RADX: variants seen among roughly 807,000 people sequenced by gnomAD.
The protein encoded by RADX is RPA-related protein RADX.
A neutral mutation model predicts 61.6 loss-of-function variants in RADX; 36 were observed. The ratio of observed to expected loss-of-function variants is 0.58; its 90% CI spans 0.45 to 0.77. The LOEUF (loss-of-function observed/expected upper bound fraction) is 0.77. Ranked by LOEUF, RADX falls within the 30% of genes least tolerant of loss-of-function variation. RADX has a pLI of 0.00. For synonymous variants in RADX, 272 were observed against 237.9 expected (o/e 1.14, Z -1.32); for missense variants, 497 against 651.1 (o/e 0.76, Z 2.58).
chrX:106,622,122 G>A (rs919192376), intron 1 of RADX, among the ~76,000 whole-genome samples: 5 of 109,585 alleles, frequency 4.6e-5, no homozygotes, highest in African/African-American at 1.7e-4. Flanking sequence ...TTTTTGGAGA[G>A]ACATGGGGGT....
At chrX:106,655,299 CTT>C (rs752071995) in intron 11 of RADX, among the ~76,000 whole-genome samples, 6 of 93,238 alleles carry the variant, frequency 6.4e-5, no homozygotes, top group African/African-American at 2.3e-4. Flanking sequence ...GTTTCTTTTT[CTT>C]TTTTTTTTTT....
At chrX:106,629,061 G>T (rs111548843) in intron 3 of RADX, among the ~76,000 whole-genome samples, 6,058 of 111,813 alleles carry the variant, frequency 0.054, 379 homozygotes, top group African/African-American at 0.19. Flanking sequence ...ACATTATTCT[G>T]TATACCTTTT....
intron 13 of RADX, among the ~76,000 whole-genome samples, chrX:106,673,687 C>CA (rs367568843): frequency 2.9e-5 from 3 of 104,771 alleles, no homozygotes; most frequent in African/African-American, 1.1e-4. Context: ...CATCCCCCCC[C>CA]ACACACACAC....
At chrX:106,647,605 C>T (rs1399882921) in intron 10 of RADX, among the ~76,000 whole-genome samples, 3 of 111,099 alleles carry the variant, frequency 2.7e-5, no homozygotes, top group Non-Finnish European at 3.8e-5. Flanking sequence ...TACATTCCTA[C>T]CAACATTATA....
rs146720258 is a variant in RADX, at chrX:106,641,278, G to A, written c.1904+557G>A. Among the ~76,000 whole-genome samples, 89 of 104,770 alleles carry A rather than the reference G, an allele frequency of 8.5e-4. No individual in the cohort carries two copies. The East Asian group carries it at 0.017, about 20-fold the overall frequency. The allele number at this position is 104,770 out of a possible 115,157, so 91.0% of individuals were successfully genotyped here. A position where few individuals can be genotyped will look rare whatever the true frequency, so the allele number is the denominator to read the frequency against. ...AATTTAACCCATAAGTCTGCCCTCT[G>A]GTCCCACAAAATTCCTGTCCTTCTC... On this transcript the variant is annotated intron_variant, in intron 10 of 13. Transcript: ENST00000372548.
In RADX at chrX:106,618,613, G is replaced by A. The variant is rs142228321; in HGVS notation, c.644-4038G>A. Among the ~76,000 whole-genome samples, 509 of 110,648 alleles carry A rather than the reference G, an allele frequency of 4.6e-3. 7 individuals are homozygous for A. The highest frequency in any genetic ancestry group is 0.016 in the African/African-American group (474 of 30,421). ...AGGTCCAGACCAGCCTAGACCAGCC[G>A]AGGCAACATGGCGAAACCCCATCTT... On this transcript the variant is annotated intron_variant, in intron 1 of 13. Transcript: ENST00000372548.
At chrX:106,658,926 C>T (rs1400279200) in intron 11 of RADX, among the ~76,000 whole-genome samples, 1 of 104,053 alleles carries the variant, frequency 9.6e-6, no homozygotes, top group African/African-American at 3.5e-5. Context: ...AAGAAAGTAG[C>T]TCCTTTCCCT....
chrX:106,669,444 A>G, intron 13 of RADX, 114 bp downstream of exon 13: 1 of 463,467 alleles, frequency 2.2e-6, no homozygotes, highest in Non-Finnish European at 3.6e-6. Flanking sequence ...TGTAGTTTTA[A>G]TTAAAGGGTT....
chrX:106,632,189 G>A (rs1169986715), intron 3 of RADX, among the ~76,000 whole-genome samples: 2 of 111,941 alleles, frequency 1.8e-5, no homozygotes, highest in African/African-American at 6.5e-5. Flanking sequence ...ATAAATTGTA[G>A]TATATTAACA....
chrX:106,666,290 A>G (rs1274091129), intron 12 of RADX, among the ~76,000 whole-genome samples: 1 of 112,274 alleles, frequency 8.9e-6, no homozygotes, highest in Non-Finnish European at 1.9e-5. Flanking sequence ...TGAGTCAATC[A>G]AAGTTTAAAA....
chrX:106,659,755 A>T (rs780304464), intron 11 of RADX, among the ~76,000 whole-genome samples: 14 of 111,406 alleles, frequency 1.3e-4, no homozygotes, highest in Admixed American at 5.8e-4. Context: ...AATTATGAAG[A>T]TACAATTGAG....
intron 2 of RADX, 124 bp from the exon 3 acceptor site, chrX:106,624,966 A>T (rs1465094377): frequency 2.6e-6 from 1 of 381,685 alleles, no homozygotes; most frequent in African/African-American, 2.6e-5. Flanking sequence ...ATCATTATTA[A>T]TAAATAATTA....
At chrX:106,667,615 A>G (rs1452343109) in intron 12 of RADX, among the ~76,000 whole-genome samples, 3 of 111,580 alleles carry the variant, frequency 2.7e-5, no homozygotes, top group African/African-American at 9.8e-5. Context: ...ATGAGCCACC[A>G]CACCCGACCA....
intron 3 of RADX, among the ~76,000 whole-genome samples, chrX:106,625,900 G>T (rs935841104): frequency 9.0e-6 from 1 of 110,925 alleles, no homozygotes; most frequent in African/African-American, 3.3e-5. Flanking sequence ...ATATTTCAGT[G>T]TATATTTTCT....
At chrX:106,661,359 GTTTTTTTTTCTTGTT>G (rs1190723287) in intron 11 of RADX, among the ~76,000 whole-genome samples, 1 of 91,071 alleles carries the variant, frequency 1.1e-5, no homozygotes, top group African/African-American at 4.5e-5. Context: ...TTTTTGTTTT[GTTTTTTTTTCTTGTT>G]TTTTTTTTTT....
At chrX:106,632,486 A>G (rs1490698650) in intron 3 of RADX, 139 bp from the exon 4 acceptor site, 2 of 358,242 alleles carry the variant, frequency 5.6e-6, no homozygotes, top group African/African-American at 5.3e-5. Context: ...AGGTAGAAGA[A>G]CACTGATAAT....
intron 1 of RADX, among the ~76,000 whole-genome samples, chrX:106,621,880 T>G (rs1381270041): frequency 9.2e-6 from 1 of 108,872 alleles, no homozygotes; most frequent in African/African-American, 3.3e-5. Flanking sequence ...CATATGAAAC[T>G]GAGGTGAAGG....
chrX:106,669,110 C>A, intron 12 of RADX, 53 bp from the exon 13 acceptor site: 1 of 998,252 alleles, frequency 1.0e-6, no homozygotes, highest in Non-Finnish European at 1.4e-6. Flanking sequence ...TCGGCATCAG[C>A]ACCACATGCT....
At position 106,637,785 on chromosome X, in the gene RADX, T is replaced by C. The variant is rs748245744; in HGVS notation, c.1434T>C (p.Tyr478=). ...GTCATAGAGGCCAGCCGTATACGTATGATGCCAAGGTAAAAAACTTTATTC... is the reference window on the plus strand; with the variant it reads ...GTCATAGAGGCCAGCCGTATACGTACGATGCCAAGGTAAAAAACTTTATTC... ...ITGHRGQPYT[Y]DAKVKNFIQW... Residue 478 remains tyrosine (Y), a synonymous_variant, in exon 8 of 14, where the codon TAT becomes TAC. Transcript: ENST00000372548. 25 of 1,206,854 alleles carry C rather than the reference T, an allele frequency of 2.1e-5. No individual in the cohort carries two copies. Among genetic ancestry groups the C allele is most frequent in the Non-Finnish European group, 2.8e-5 (25 of 893,680 alleles).
Sources: gnomAD v4.1 joint callset for allele counts (sites outside exome capture counted in the v4.1 genomes callset) on GRCh38, gnomAD v4.1.1 for gene constraint, MANE v1.5 for transcripts, NCBI Gene and HGNC (gene_info 2026-07-23, HGNC 2026-07-21) for gene names.